Variants in ENTREP2 observed in about 807,000 individuals in gnomAD.
ENTREP2 encodes endosomal transmembrane epsin interactor 2.
At chr15:29,171,055 A>G in the ENTREP2 span, among the ~76,000 whole-genome samples, 1 of 152,172 alleles carries the variant, frequency 6.6e-6, no homozygotes, top group African/African-American at 2.4e-5. Flanking sequence ...GATTTCCTTT[A>G]TAACAACCCA....
At chr15:29,567,035 T>C in the ENTREP2 span, among the ~76,000 whole-genome samples, 2 of 152,196 alleles carry the variant, frequency 1.3e-5, no homozygotes, top group South Asian at 4.1e-4. Context: ...AAGACCTCCA[T>C]CCAGCTCTCT....
At chr15:29,183,152 C>T in the ENTREP2 span, among the ~76,000 whole-genome samples, 1 of 152,272 alleles carries the variant, frequency 6.6e-6, no homozygotes, top group African/African-American at 2.4e-5. Flanking sequence ...ACAAATGATG[C>T]CCAAAACAAC....
At chr15:29,192,649 A>G in the ENTREP2 span, among the ~76,000 whole-genome samples, 5 of 152,192 alleles carry the variant, frequency 3.3e-5, no homozygotes, top group Non-Finnish European at 7.3e-5. Flanking sequence ...GGTAGCAGAG[A>G]GGTGGAAGCA....
chr15:29,587,405 A>G, the ENTREP2 span, among the ~76,000 whole-genome samples: 1 of 152,108 alleles, frequency 6.6e-6, no homozygotes, highest in South Asian at 2.1e-4. Context: ...CCCACTTTAG[A>G]TGTTCTTATT....
At chr15:29,214,897 A>G in the ENTREP2 span, among the ~76,000 whole-genome samples, 1 of 152,160 alleles carries the variant, frequency 6.6e-6, no homozygotes, top group Non-Finnish European at 1.5e-5. Context: ...GCTGTTGAAT[A>G]GAATGTGTAT....
the ENTREP2 span, among the ~76,000 whole-genome samples, chr15:29,340,990 C>G: frequency 6.6e-6 from 1 of 152,194 alleles, no homozygotes; most frequent in African/African-American, 2.4e-5. Context: ...CATGGGAGAG[C>G]TGGGACACAC....
At chr15:29,148,657 G>C in the ENTREP2 span, among the ~76,000 whole-genome samples, 1 of 152,070 alleles carries the variant, frequency 6.6e-6, no homozygotes, top group African/African-American at 2.4e-5. Flanking sequence ...GGTTGGCTCA[G>C]TGGGGGCTGA....
At chr15:29,146,081 T>C in the ENTREP2 span, among the ~76,000 whole-genome samples, 1 of 152,154 alleles carries the variant, frequency 6.6e-6, no homozygotes, top group African/African-American at 2.4e-5. Flanking sequence ...AAGAATAAGA[T>C]ACTCAGGAAT....
At chr15:29,346,603 C>T in the ENTREP2 span, among the ~76,000 whole-genome samples, 8 of 152,156 alleles carry the variant, frequency 5.3e-5, no homozygotes, top group Admixed American at 5.2e-4. Flanking sequence ...TGATATTTCA[C>T]AGAATGGTTC....
chr15:29,669,868 T>A, the ENTREP2 span, among the ~76,000 whole-genome samples: 1 of 152,208 alleles, frequency 6.6e-6, no homozygotes, highest in Non-Finnish European at 1.5e-5. Flanking sequence ...AAGCATTAGC[T>A]GTACGTGGCA....
chr15:29,196,605 A>G, the ENTREP2 span: 1 of 1,532,700 alleles, frequency 6.5e-7, no homozygotes, highest in Non-Finnish European at 8.8e-7. Flanking sequence ...GTTAACAGGC[A>G]TTCGACCCCC....
the ENTREP2 span, among the ~76,000 whole-genome samples, chr15:29,162,916 C>T: frequency 1.3e-5 from 2 of 152,150 alleles, no homozygotes; most frequent in African/African-American, 4.8e-5. Context: ...TGCACACCCC[C>T]CACCACCTCC....
chr15:29,230,411 C>T, the ENTREP2 span, among the ~76,000 whole-genome samples: 1,116 of 152,084 alleles, frequency 7.3e-3, 11 homozygotes, highest in African/African-American at 0.025. Context: ...TACCACATAA[C>T]GTATGATTTT....
chr15:29,293,021 G>T, the ENTREP2 span, among the ~76,000 whole-genome samples: 1 of 152,176 alleles, frequency 6.6e-6, no homozygotes, highest in Admixed American at 6.5e-5. Context: ...GAATCTATTT[G>T]AGTGGCCATG....
the ENTREP2 span, among the ~76,000 whole-genome samples, chr15:29,329,827 C>T: frequency 2.0e-5 from 3 of 152,090 alleles, no homozygotes; most frequent in South Asian, 2.1e-4. Context: ...TCCATGAGTC[C>T]ATATTTCTAT....
At chr15:29,537,621 C>T in the ENTREP2 span, among the ~76,000 whole-genome samples, 1 of 152,180 alleles carries the variant, frequency 6.6e-6, no homozygotes, top group Admixed American at 6.5e-5. Flanking sequence ...ACTGGAATCT[C>T]CACTTTGCGA....
At chr15:29,429,190 TATCCATCCATCCATCC>T in the ENTREP2 span, among the ~76,000 whole-genome samples, 3,858 of 149,258 alleles carry the variant, frequency 0.026, 81 homozygotes, top group Middle Eastern at 0.051. Context: ...GATGTCTATC[TATCCATCCATCCATCC>T]ATCCATCCAT....
chr15:29,668,387 G>C, the ENTREP2 span, among the ~76,000 whole-genome samples: 1 of 152,132 alleles, frequency 6.6e-6, no homozygotes, highest in African/African-American at 2.4e-5. Flanking sequence ...TATAATTACC[G>C]TGACCCGGCA....
At chr15:29,479,792 G>A in the ENTREP2 span, among the ~76,000 whole-genome samples, 1 of 152,212 alleles carries the variant, frequency 6.6e-6, no homozygotes, top group East Asian at 1.9e-4. Context: ...TCTTGCAGAA[G>A]AAACAGACAC....
Sources: allele counts gnomAD v4.1 joint callset (sites outside exome capture counted in the v4.1 genomes callset), GRCh38; gene constraint gnomAD v4.1.1; transcripts MANE v1.5; gene names NCBI Gene and HGNC (gene_info 2026-07-23, HGNC 2026-07-21).